The following ATR variants were observed in gnomAD, a reference collection of about 807,000 sequenced individuals.
ATR encodes the protein serine/threonine-protein kinase ATR.
A neutral mutation model predicts 305.3 loss-of-function variants in ATR; 142 were observed. The ratio of observed to expected loss-of-function variants is 0.47; its 90% CI spans 0.41 to 0.53. The LOEUF (loss-of-function observed/expected upper bound fraction) is 0.53. Ranked by LOEUF, ATR falls within the 20% of genes least tolerant of loss-of-function variation. ATR has a pLI of 0.00. For synonymous variants in ATR, 1,050 were observed against 1,068.1 expected, an observed-to-expected ratio of 0.98 and a Z score of 0.33; for missense variants, 2,135 against 3,133.1, an observed-to-expected ratio of 0.68 and a Z score of 7.60.
intron 9 of ATR, 63 bp downstream of exon 9, chr3:142,556,320 T>A (rs1018934837): frequency 1.3e-6 from 2 of 1,553,286 alleles, no homozygotes; most frequent in Admixed American, 1.7e-5. Context: ...CCTGCATACA[T>A]AGCCAGACAA....
At chr3:142,549,255 G>A (rs1340068709) in intron 15 of ATR, among the ~76,000 whole-genome samples, 5 of 152,086 alleles carry the variant, frequency 3.3e-5, no homozygotes. Flanking sequence ...CCCATGAAAG[G>A]ATGCCTATCA....
intron 31 of ATR, among the ~76,000 whole-genome samples, 159 bp downstream of exon 31, chr3:142,499,468 G>C (rs1312408547): frequency 2.6e-5 from 4 of 151,918 alleles, no homozygotes; most frequent in Non-Finnish European, 2.9e-5. Flanking sequence ...CTAATTTTTT[G>C]TATTTTTAGT....
At chr3:142,518,537 T>G (rs748001490) in intron 24 of ATR, among the ~76,000 whole-genome samples, 1 of 152,072 alleles carries the variant, frequency 6.6e-6, no homozygotes, top group Non-Finnish European at 1.5e-5. Flanking sequence ...ATAATAACAG[T>G]AATAATTCTT....
chr3:142,532,086 C>T (rs966576476), intron 21 of ATR, among the ~76,000 whole-genome samples: 6 of 152,170 alleles, frequency 3.9e-5, no homozygotes, highest in African/African-American at 1.2e-4. Flanking sequence ...GGCTCATGCT[C>T]GGTGGGCTGC....
rs750889025 is a variant in ATR at position 142,513,477 on chromosome 3, A to C, written c.4641+24T>G. 1.5e-5 allele frequency: 24 copies of C among 1,612,180 alleles called. 1 individual carries two copies. In the South Asian group the frequency reaches 2.4e-4, roughly 16 times the overall value. ...GAAAGTAAGTTTCACATGTTCAAAA[A>C]CCAAGTAAGATGATTTATCTCACCT... is the stretch of plus-strand genomic sequence containing the variant. On this transcript the variant is annotated intron_variant, in intron 26 of 46. Coordinates refer to ENST00000350721, the MANE Select transcript of ATR (RefSeq NM_001184.4).
chr3:142,481,492 C>A (rs947209661), intron 36 of ATR, among the ~76,000 whole-genome samples: 1 of 152,116 alleles, frequency 6.6e-6, no homozygotes, highest in Non-Finnish European at 1.5e-5. Flanking sequence ...ACTTTTGTAG[C>A]AATTCAATGC....
At position 142,534,829 on chromosome 3, in the gene ATR, G is replaced by A. The variant is rs185459361; in HGVS notation, c.3945+251C>T. The stretch of plus-strand genomic sequence containing the variant: ...TACAATTATATACATGTTTACTTAC[G>A]AAGATGCAGTAACCTAAAATATAAC... On this transcript the variant is annotated intron_variant, in intron 21 of 46. Transcript: ENST00000350721. 1.7e-3 allele frequency among the ~76,000 whole-genome samples: 261 copies of A among 152,180 alleles called. 3 individuals carry two copies. The highest frequency in any genetic ancestry group is 5.9e-3 in the African/African-American group (245 of 41,518).
At chr3:142,578,235 C>T (rs1396399234) in intron 1 of ATR, among the ~76,000 whole-genome samples, 2 of 152,186 alleles carry the variant, frequency 1.3e-5, no homozygotes, top group African/African-American at 4.8e-5. Flanking sequence ...ACCAATTCCT[C>T]CACGAGTGAT....
intron 34 of ATR, among the ~76,000 whole-genome samples, chr3:142,493,990 T>C (rs1243223838): frequency 2.0e-5 from 3 of 148,166 alleles, no homozygotes; most frequent in Non-Finnish European, 4.5e-5. Flanking sequence ...GCTATGATCA[T>C]GCCACTGCAC....
intron 44 of ATR, 41 bp downstream of exon 44, chr3:142,458,917 G>GA: frequency 6.2e-7 from 1 of 1,600,776 alleles, no homozygotes; most frequent in Non-Finnish European, 8.6e-7. Context: ...AAAGGAAATT[G>GA]AGAGAAAACA....
chr3:142,559,228 A>G (rs549336779), intron 7 of ATR, 23 bp downstream of exon 7: 2 of 1,601,810 alleles, frequency 1.2e-6, no homozygotes, highest in Non-Finnish European at 1.7e-6. Flanking sequence ...GGTTATTCTG[A>G]TCTGTTGCTA....
At position 142,542,712 on chromosome 3, in the gene ATR, TA is replaced by T. The variant is rs1043355995; in HGVS notation, c.3402del (p.Phe1134LeufsTer6). 4 of 1,613,252 alleles carry T rather than the reference TA, an allele frequency of 2.5e-6. No homozygotes were observed. Among genetic ancestry groups the T allele is most frequent in the African/African-American group, 1.3e-5 (1 of 74,856 alleles). ...ACACTAGAGCTCAGTAACTGCATGT[TA>T]AAAAAAGCCAAAATGCCCAACAATT... is the stretch of plus-strand genomic sequence containing the variant. ...QPKLLGILAFFNMQLLSSSVG... is the reference protein window; with the variant it reads ...QPKLLGILAFXNMQLLSSSVG... On this transcript the variant is annotated frameshift_variant, in exon 17 of 47. Coordinates refer to ENST00000350721, the MANE Select transcript of ATR (RefSeq NM_001184.4). LOFTEE classifies it high-confidence loss of function.
rs2034891617 is a variant in ATR, at chr3:142,561,826, G to GA, written c.1170+405dup. 2.0e-5 allele frequency among the ~76,000 whole-genome samples: 3 copies of GA among 152,218 alleles called. No homozygotes were observed. The South Asian group carries it at 6.2e-4, about 32-fold the overall frequency. Reference sequence around the variant, plus strand: ...TTACCTGACTCCCACAGTCCAAATAGAAAAAAGCGCATAATTTGGCATGAT... The same window carrying GA: ...TTACCTGACTCCCACAGTCCAAATAGAAAAAAAGCGCATAATTTGGCATGAT... On this transcript the variant is annotated intron_variant, in intron 4 of 46. Coordinates refer to ENST00000350721, the MANE Select transcript of ATR (RefSeq NM_001184.4).
Position 142,459,081 on chromosome 3 carries a change from G to A in ATR, c.7380C>T (p.Ser2460=). Residue 2460 remains serine (S), a synonymous_variant, in exon 44 of 47, where the codon TCC becomes TCT. Coordinates refer to ENST00000350721, the MANE Select transcript of ATR (RefSeq NM_001184.4). ...AACCAACCATTGACATTACTGCAGT[G>A]GAACGGCAGTAAGCTGATCTACTAC... ...WYSSRSAYCR[S]TAVMSMVGYI... 6.2e-7 allele frequency: 1 copy of A among 1,613,928 alleles called. No individual in the cohort carries two copies. The highest frequency in any genetic ancestry group is 8.5e-7 in the Non-Finnish European group (1 of 1,179,876).
intron 18 of ATR, 60 bp from the exon 19 acceptor site, chr3:142,538,685 T>C (rs2033946867): frequency 6.3e-7 from 1 of 1,591,624 alleles, no homozygotes. Flanking sequence ...TAAAGCTCTA[T>C]CAATCAGTAA....
intron 34 of ATR, 100 bp from the exon 35 acceptor site, chr3:142,493,411 T>C (rs2031407924): frequency 7.7e-7 from 1 of 1,292,140 alleles, no homozygotes; most frequent in Non-Finnish European, 1.1e-6. Flanking sequence ...AATCCATTTG[T>C]AATTTCATGT....
At chr3:142,549,915 A>G (rs1175634764) in intron 14 of ATR, among the ~76,000 whole-genome samples, 3 of 152,228 alleles carry the variant, frequency 2.0e-5, no homozygotes, top group Non-Finnish European at 2.9e-5. Context: ...TCATAGCACC[A>G]AAGACATAAG....
intron 36 of ATR, among the ~76,000 whole-genome samples, chr3:142,479,640 GC>G (rs2030261493): frequency 6.6e-6 from 1 of 152,132 alleles, no homozygotes; most frequent in Admixed American, 6.6e-5. Context: ...GGCCTGCCTT[GC>G]TAGGTTGGGG....
chr3:142,509,545 A>ATT lies in ATR; in HGVS notation c.4853-1438_4853-1437dup, dbSNP rs71629538. On this transcript the variant is annotated intron_variant, in intron 27 of 46. Transcript: ENST00000350721. Reference sequence around the variant, plus strand: ...AATTTGTAGATGATTTCAAATTCTGATTTTTTTTTTTTTTTTTTTTTTTTT... The same window carrying ATT: ...AATTTGTAGATGATTTCAAATTCTGATTTTTTTTTTTTTTTTTTTTTTTTTTT... Among the ~76,000 whole-genome samples the ATT allele has an allele frequency of 3.7e-3, 270 of 73,816 alleles. 26 individuals carry two copies. The highest frequency in any genetic ancestry group is 0.01 in the African/African-American group (189 of 18,200). The allele number at this position is 73,816 out of a possible 152,430, so 48.4% of individuals were successfully genotyped here.
Sources: allele counts gnomAD v4.1 joint callset (sites outside exome capture counted in the v4.1 genomes callset), GRCh38; gene constraint gnomAD v4.1.1; transcripts MANE v1.5; gene names NCBI Gene and HGNC (gene_info 2026-07-23, HGNC 2026-07-21).